Variants in CEACAM1 observed in about 807,000 individuals in gnomAD.
The protein encoded by CEACAM1 is CEA cell adhesion molecule 1, also known as cell adhesion molecule CEACAM1.
In CEACAM1, 31 loss-of-function variants were observed where a neutral mutation model predicts 49.1. The ratio of observed to expected loss-of-function variants is 0.63; its 90% confidence interval spans 0.47 to 0.85. CEACAM1 has a LOEUF of 0.85. Among genes scored for constraint, CEACAM1 ranks in the 40% least tolerant of loss-of-function variants. CEACAM1 has a pLI of 0.00. For missense variants in CEACAM1, 570 were observed against 645.3 expected, an observed-to-expected ratio of 0.88 and a Z score of 1.26; for synonymous variants, 244 against 247.8, an observed-to-expected ratio of 0.98 and a Z score of 0.14.
intron 5 of CEACAM1, among the ~76,000 whole-genome samples, chr19:42,513,915 T>TATATATAAATAA (rs1432939598): frequency 2.0e-4 from 26 of 129,772 alleles, no homozygotes; most frequent in African/African-American, 9.6e-4. Context: ...TATATATATA[T>TATATATAAATAA]ATAATATATA....
chr19:42,521,190 T>C (rs1195600766), intron 4 of CEACAM1, 77 bp downstream of exon 4: 1 of 1,543,782 alleles, frequency 6.5e-7, no homozygotes, highest in Non-Finnish European at 8.8e-7. Context: ...CAAAAGAAAA[T>C]TTCTTCTCTG....
chr19:42,519,556 G>T (rs2147789989), intron 4 of CEACAM1: 9 of 216,616 alleles, frequency 4.2e-5, no homozygotes, highest in East Asian at 2.4e-4. Flanking sequence ...CAGGTAGAAT[G>T]TTTTTCCCAC....
At chr19:42,527,642 G>T in intron 1 of CEACAM1, 1 of 499,830 alleles carries the variant, frequency 2.0e-6, no homozygotes, top group Non-Finnish European at 3.4e-6. Context: ...GGATCCGCAT[G>T]GCTCCCTCCC....
intron 1 of CEACAM1, chr19:42,527,748 T>G: frequency 4.1e-6 from 1 of 242,684 alleles, no homozygotes; most frequent in Admixed American, 5.0e-5. Context: ...TTCTGACCTT[T>G]TTCTGCTCTG....
rs755390361 is a variant in CEACAM1 at position 42,518,984 on chromosome 19, T to TA, written c.1209dup (p.Lys404Ter). 1.2e-6 allele frequency: 2 copies of TA among 1,614,202 alleles called. No individual in the cohort carries two copies. Among genetic ancestry groups the TA allele is most frequent in the South Asian group, 2.2e-5 (2 of 91,086 alleles). ...AGCATGATGGGGTCGCTTTGGTTCT[T>TA]ACTGATTGGGTTGAAGACCTCACAC... On this transcript the variant is annotated frameshift_variant, in exon 5 of 9. Coordinates refer to ENST00000161559, the MANE Select transcript of CEACAM1 (RefSeq NM_001712.5). LOFTEE classifies it high-confidence loss of function.
intron 8 of CEACAM1, 116 bp downstream of exon 8, chr19:42,510,773 T>C: frequency 1.1e-6 from 1 of 901,864 alleles, no homozygotes; most frequent in Middle Eastern, 2.3e-4. Flanking sequence ...GTCTTTGTTG[T>C]TGCACTGAGG....
At chr19:42,520,488 C>A in intron 4 of CEACAM1, 1 of 152,506 alleles carries the variant, frequency 6.6e-6, no homozygotes, top group Non-Finnish European at 1.5e-5. Context: ...CTCAGCCTCC[C>A]TAGTGGCATG....
intron 5 of CEACAM1, chr19:42,516,835 C>A: frequency 2.5e-6 from 1 of 404,906 alleles, no homozygotes; most frequent in Non-Finnish European, 4.8e-6. Flanking sequence ...GAGTTTGAGA[C>A]CAGCCTTGGC....
chr19:42,512,317 G>A (rs1485474674), intron 6 of CEACAM1, 33 bp downstream of exon 6: 2 of 1,613,284 alleles, frequency 1.2e-6, no homozygotes, highest in Admixed American at 3.3e-5. Flanking sequence ...GTCAGCCTTG[G>A]AGGAAACAGA....
rs180751186 is a variant in CEACAM1, at chr19:42,522,722, C to T, written c.425-520G>A. On this transcript the variant is annotated intron_variant, in intron 2 of 8. Coordinates refer to ENST00000161559, the MANE Select transcript of CEACAM1 (RefSeq NM_001712.5). ...GACTACAGGTGCATGCCACCATGCC[C>T]GGCTAGTTTTTTGTATTTTAGCCAG... 1.8e-4 allele frequency among the ~76,000 whole-genome samples: 28 copies of T among 152,124 alleles called. No individual in the cohort carries two copies. The East Asian group carries it at 2.5e-3, about 14-fold the overall frequency.
intron 5 of CEACAM1, among the ~76,000 whole-genome samples, chr19:42,517,395 A>G (rs766670746): frequency 1.7e-4 from 26 of 152,268 alleles, no homozygotes; most frequent in Non-Finnish European, 2.9e-4. Flanking sequence ...GACTTCTTAT[A>G]GAATGGGAGA....
chr19:42,527,107 A>C lies in CEACAM1; in HGVS notation c.358T>G (p.Tyr120Asp). Residue 120 changes from tyrosine (Y) to aspartate (D), a missense_variant, in exon 2 of 9, where the codon TAC (tyrosine) becomes GAC (aspartate). Coordinates refer to ENST00000161559, the MANE Select transcript of CEACAM1 (RefSeq NM_001712.5). Reference protein sequence around the residue: ...QNVTQNDTGFYTLQVIKSDLV... With the variant: ...QNVTQNDTGFDTLQVIKSDLV... ...TCTGACTTTATGACTTGTAGGGTGT[A>C]GAATCCTGTGTCATTCTGGGTGACG... The C allele has an allele frequency of 6.2e-7, 1 of 1,614,026 alleles. No homozygotes were observed. Among genetic ancestry groups the C allele is most frequent in the Non-Finnish European group, 8.5e-7 (1 of 1,179,946 alleles).
intron 5 of CEACAM1, among the ~76,000 whole-genome samples, chr19:42,513,251 C>T (rs1173751343): frequency 6.6e-6 from 1 of 152,100 alleles, no homozygotes; most frequent in Non-Finnish European, 1.5e-5. Flanking sequence ...CTGTTTTATT[C>T]TGAAGTGTGA....
In CEACAM1 at chr19:42,514,809, T is replaced by C. The variant is rs2041558024; in HGVS notation, c.1247-2330A>G. Among the ~76,000 whole-genome samples, 6 of 152,194 alleles carry C rather than the reference T, an allele frequency of 3.9e-5. No individual in the cohort carries two copies. The South Asian group carries it at 1.2e-3, about 31-fold the overall frequency. ...TGGAAGCTTAGAGTGGTAAAAGGCT[T>C]ACCTAAAGTCAGATGGCTAGTGAGA... On this transcript the variant is annotated intron_variant, in intron 5 of 8. Coordinates refer to ENST00000161559, the MANE Select transcript of CEACAM1 (RefSeq NM_001712.5).
intron 7 of CEACAM1, chr19:42,511,294 G>A (rs1031044113): frequency 7.0e-6 from 4 of 575,160 alleles, no homozygotes; most frequent in Non-Finnish European, 1.2e-5. Flanking sequence ...AGAGGCAGGA[G>A]GCGGAAGGAG....
At chr19:42,521,210 G>A in intron 4 of CEACAM1, 57 bp downstream of exon 4, 1 of 1,585,190 alleles carries the variant, frequency 6.3e-7, no homozygotes, top group Non-Finnish European at 8.6e-7. Flanking sequence ...GCTCCTATTT[G>A]AAAACCAGAA....
rs775600985 is a variant in CEACAM1 at position 42,521,477 on chromosome 19, G to C, written c.748C>G (p.Arg250Gly). 1 of 1,614,192 alleles carries C rather than the reference G, an allele frequency of 6.2e-7. No individual in the cohort carries two copies. The highest frequency in any genetic ancestry group is 1.1e-5 in the South Asian group (1 of 91,090). The change falls in exon 4 of 9, where the codon CGT becomes GGT. Residue 250 changes from arginine to glycine, a missense_variant. Transcript: ENST00000161559. ...GAGAGGCTGAGGTTTGCCCCTGGAC[G>C]GTAATAGGTGTCTGAAGGGGAAATG... ...PTISPSDTYY[R>G]PGANLSLSCY...
Position 42,528,447 on chromosome 19 carries a change from CTCTGT to C in CEACAM1, c.-78_-74del, listed in dbSNP as rs2041949254. On this transcript the variant is annotated 5_prime_UTR_variant, in exon 1 of 9. Transcript: ENST00000161559. ...TCCAGGAACGCTTCGAGCACGGCTGCTCTGTCACCTCTGCTGTTTTCCACTCTCTG... is the reference window on the plus strand; with the variant it reads ...TCCAGGAACGCTTCGAGCACGGCTGCCACCTCTGCTGTTTTCCACTCTCTG... The C allele has an allele frequency of 7.1e-7, 1 of 1,406,048 alleles. No homozygotes were observed. Among genetic ancestry groups the C allele is most frequent in the Non-Finnish European group, 1.0e-6 (1 of 995,714 alleles). The allele number at this position is 1,406,048 out of a possible 1,614,324, so 87.1% of individuals were successfully genotyped here. A position where few individuals can be genotyped will look rare whatever the true frequency, so the allele number is the denominator to read the frequency against.
At chr19:42,526,413 G>A (rs1439536319) in intron 2 of CEACAM1, among the ~76,000 whole-genome samples, 1 of 152,162 alleles carries the variant, frequency 6.6e-6, no homozygotes, top group Non-Finnish European at 1.5e-5. Flanking sequence ...TTGGCTGATG[G>A]CCTGGGGAGC....
Sources: gnomAD v4.1 joint callset for allele counts (sites outside exome capture counted in the v4.1 genomes callset) on GRCh38, gnomAD v4.1.1 for gene constraint, MANE v1.5 for transcripts, NCBI Gene and HGNC (gene_info 2026-07-23, HGNC 2026-07-21) for gene names.